HELZ: variants seen among roughly 807,000 people sequenced by gnomAD.
HELZ encodes helicase with zinc finger.
Under a neutral mutation model 218.2 loss-of-function variants are expected in HELZ, and 23 were observed. The ratio of observed to expected loss-of-function variants is 0.11; its 90% CI spans 0.08 to 0.15. HELZ has a LOEUF of 0.15. HELZ is among the 10% of genes least tolerant of loss of function. The pLI is 1.00. For synonymous variants in HELZ, 814 were observed against 829.4 expected (o/e 0.98, Z 0.32); for missense variants, 1,813 against 2,353.7 (o/e 0.77, Z 4.75).
Position 67,167,717 on chromosome 17 carries a change from T to G in HELZ, c.1510A>C (p.Asn504His), listed in dbSNP as rs1229233876. ...GVSGGAKYAQ[N>H]GQLFGRFKLT... ...TTAAAGCGACCAAAAAGTTGTCCAT[T>G]CTGAGCATACTTTGCACCTCCAGAA... The change falls in exon 14 of 33, where the codon AAT becomes CAT. Residue 504 changes from asparagine (N) to histidine (H), a missense_variant. By Grantham distance (68) the Asn-to-His change is moderately conservative. Transcript: ENST00000358691. 1 of 1,614,122 alleles carries G rather than the reference T, an allele frequency of 6.2e-7. No homozygotes were observed. The highest frequency in any genetic ancestry group is 1.7e-5 in the Admixed American group (1 of 60,028).
chr17:67,244,637 G>A, intron 1 of HELZ: 1 of 958,580 alleles, frequency 1.0e-6, no homozygotes, highest in Non-Finnish European at 1.2e-6. Flanking sequence ...GCGGGGGAGG[G>A]AGGGGGCGCA....
chr17:67,131,017 C>G (rs1054532623), intron 23 of HELZ, among the ~76,000 whole-genome samples: 1 of 152,112 alleles, frequency 6.6e-6, no homozygotes, highest in Non-Finnish European at 1.5e-5. Flanking sequence ...TCCAGAGTAG[C>G]TGGGACTGTA....
At chr17:67,119,279 T>G (rs2037525029) in intron 27 of HELZ, among the ~76,000 whole-genome samples, 1 of 152,196 alleles carries the variant, frequency 6.6e-6, no homozygotes. Context: ...ATAAACATAT[T>G]GCGGTACATC....
chr17:67,109,471 G>C lies in HELZ; in HGVS notation c.4134C>G (p.Thr1378=), dbSNP rs767686216. The C allele has an allele frequency of 6.2e-6, 10 of 1,614,032 alleles. No homozygotes were observed. The highest frequency in any genetic ancestry group is 5.3e-5 in the African/African-American group (4 of 74,900). The change falls in exon 29 of 33, where the codon ACC becomes ACG. Residue 1378 remains threonine (T), a synonymous_variant. Transcript: ENST00000358691. ...RPPFPIPQQH[T]LLNQQQNNLP... ...AATTATTCTGCTGCTGATTTAACAAGGTGTGCTGCTGTGGAATTGGAAAGG... is the reference window on the plus strand; with the variant it reads ...AATTATTCTGCTGCTGATTTAACAACGTGTGCTGCTGTGGAATTGGAAAGG...
At chr17:67,164,213 G>T (rs909591799) in intron 15 of HELZ, among the ~76,000 whole-genome samples, 2 of 152,132 alleles carry the variant, frequency 1.3e-5, no homozygotes, top group Non-Finnish European at 2.9e-5. Flanking sequence ...AAATGTTCAC[G>T]AATTAATTGA....
chr17:67,243,213 AT>A (rs1294431035), intron 2 of HELZ, among the ~76,000 whole-genome samples: 1 of 152,226 alleles, frequency 6.6e-6, no homozygotes, highest in African/African-American at 2.4e-5. Context: ...AAACTAGTCT[AT>A]TTCCTAATAA....
At chr17:67,203,121 AAAAAAAAGAAAAAAAC>A (rs1277894325) in intron 6 of HELZ, among the ~76,000 whole-genome samples, 182 bp downstream of exon 6, 1 of 151,980 alleles carries the variant, frequency 6.6e-6, no homozygotes, top group Non-Finnish European at 1.5e-5. Context: ...ACCTTGTCTC[AAAAAAAAGAAAAAAAC>A]AAAAAAAGAA....
At chr17:67,229,372 T>C (rs1177337405) in intron 3 of HELZ, among the ~76,000 whole-genome samples, 2 of 152,130 alleles carry the variant, frequency 1.3e-5, no homozygotes, top group Non-Finnish European at 2.9e-5. Flanking sequence ...CCTACCCAGA[T>C]TTTAACGAAT....
intron 21 of HELZ, among the ~76,000 whole-genome samples, chr17:67,138,318 T>C (rs536995006): frequency 1.3e-5 from 2 of 151,492 alleles, no homozygotes; most frequent in African/African-American, 2.4e-5. Context: ...TTTTAAACAG[T>C]AAAATTCTCC....
chr17:67,115,655 A>C (rs567527403), intron 27 of HELZ, among the ~76,000 whole-genome samples: 9 of 152,250 alleles, frequency 5.9e-5, no homozygotes, highest in South Asian at 2.1e-4. Context: ...TGGTAGAACA[A>C]CACCATTAAA....
intron 21 of HELZ, among the ~76,000 whole-genome samples, chr17:67,141,462 TTGAG>T (rs961052338): frequency 1.3e-5 from 2 of 151,588 alleles, no homozygotes. Flanking sequence ...TAAAAATATA[TTGAG>T]TTTGTTATAT....
rs948563596 is a variant in HELZ at position 67,208,439 on chromosome 17, T to C, written c.248-4996A>G. ...TTGTTTTGATATGGTGCCAGAGTTA[T>C]GTAAGACGTAATAACTGGGGGAAAG... On this transcript the variant is annotated intron_variant, in intron 5 of 32. Transcript: ENST00000358691. 3.3e-5 allele frequency among the ~76,000 whole-genome samples: 5 copies of C among 152,300 alleles called. No homozygotes were observed. In the South Asian group the frequency reaches 6.2e-4, roughly 19 times the overall value.
At position 67,236,613 on chromosome 17, in the gene HELZ, G is replaced by A. The variant is rs193087784; in HGVS notation, c.-19+2820C>T. Among the ~76,000 whole-genome samples, 11 of 152,096 alleles carry A rather than the reference G, an allele frequency of 7.2e-5. No homozygotes were observed. In the East Asian group the frequency reaches 2.1e-3, roughly 29 times the overall value. ...TAAAGTTAAATTATAAAATCTATAA[G>A]ATGTAAATGTTTCATGATATAGTAA... On this transcript the variant is annotated intron_variant, in intron 3 of 32. Transcript: ENST00000358691.
chr17:67,236,113 C>A (rs979350089), intron 3 of HELZ, among the ~76,000 whole-genome samples: 3 of 152,114 alleles, frequency 2.0e-5, no homozygotes, highest in African/African-American at 7.2e-5. Context: ...ACCAGCCTTA[C>A]CATTCAAAGC....
intron 3 of HELZ, among the ~76,000 whole-genome samples, chr17:67,232,511 G>T (rs2041065832): frequency 6.6e-6 from 1 of 152,164 alleles, no homozygotes; most frequent in African/African-American, 2.4e-5. Flanking sequence ...ACAAGACTTA[G>T]TCCCAGAAGA....
chr17:67,124,651 C>T (rs531026586), intron 24 of HELZ, among the ~76,000 whole-genome samples: 1 of 152,252 alleles, frequency 6.6e-6, no homozygotes, highest in African/African-American at 2.4e-5. Context: ...CCAGTAAGTG[C>T]ACTTCCAGAA....
At chr17:67,231,963 GA>G (rs1176369659) in intron 3 of HELZ, among the ~76,000 whole-genome samples, 1 of 141,552 alleles carries the variant, frequency 7.1e-6, no homozygotes, top group Non-Finnish European at 1.5e-5. Flanking sequence ...TGAGGCAGGA[GA>G]ATTGCTTGAA....
At chr17:67,150,039 G>A in intron 18 of HELZ, 54 bp from the exon 19 acceptor site, 1 of 995,734 alleles carries the variant, frequency 1.0e-6, no homozygotes, top group Non-Finnish European at 1.5e-6. Flanking sequence ...AACAAAGGCA[G>A]AAGGACTATA....
chr17:67,110,358 C>T (rs2037244128), intron 28 of HELZ, among the ~76,000 whole-genome samples: 1 of 152,172 alleles, frequency 6.6e-6, no homozygotes, highest in African/African-American at 2.4e-5. Context: ...TGTGAGCCAT[C>T]ACACCCAGCC....
Sources: gnomAD v4.1 joint callset for allele counts (sites outside exome capture counted in the v4.1 genomes callset) on GRCh38, gnomAD v4.1.1 for gene constraint, MANE v1.5 for transcripts, NCBI Gene and HGNC (gene_info 2026-07-23, HGNC 2026-07-21) for gene names.